Variants in EDARADD observed in about 807,000 individuals in gnomAD.
The protein encoded by EDARADD is ectodysplasin-A receptor-associated adapter protein.
In EDARADD, 20 loss-of-function variants were observed where a neutral mutation model predicts 25.6. The ratio of observed to expected loss-of-function variants is 0.78; its 90% CI spans 0.55 to 1.14. The LOEUF is 1.14. EDARADD is among the 50% of genes most tolerant of loss of function. The pLI is 0.00. For missense variants in EDARADD, 225 were observed against 270.1 expected, an observed-to-expected ratio of 0.83 and a Z score of 1.17; for synonymous variants, 86 against 94.4, an observed-to-expected ratio of 0.91 and a Z score of 0.52.
At chr1:236,368,433 GTCTTT>G (rs1667135939) in intron 3 of EDARADD, among the ~76,000 whole-genome samples, 1 of 133,800 alleles carries the variant, frequency 7.5e-6, no homozygotes, top group Non-Finnish European at 1.6e-5. Context: ...CCCCAATCCA[GTCTTT>G]TCTTTTTTTT....
chr1:236,397,917 T>C (rs930968748), intron 1 of EDARADD, among the ~76,000 whole-genome samples: 5 of 152,042 alleles, frequency 3.3e-5, no homozygotes, highest in Non-Finnish European at 5.9e-5. Context: ...ATCCCCTTAC[T>C]CCTATTTCTG....
chr1:236,454,222 GTTTTT>G (rs528215126), intron 4 of EDARADD, among the ~76,000 whole-genome samples: 1 of 152,012 alleles, frequency 6.6e-6, no homozygotes. Flanking sequence ...ACTTTTTGTA[GTTTTT>G]TTAGTAGAGA....
At chr1:236,454,252 G>A (rs3121598) in intron 4 of EDARADD, among the ~76,000 whole-genome samples, 4 of 151,806 alleles carry the variant, frequency 2.6e-5, no homozygotes, top group African/African-American at 9.7e-5. Context: ...GTTTCACCCT[G>A]TTAGCCAAGA....
At chr1:236,390,554 G>GA (rs910591967), upstream of EDARADD, among the ~76,000 whole-genome samples, 2 of 150,186 alleles carry the variant, frequency 1.3e-5, no homozygotes, top group Non-Finnish European at 3.0e-5. Context: ...CTCCGTCTCA[G>GA]AAAAAAAAAG....
rs1659697129 is a variant in EDARADD, at chr1:236,482,249, A to C, written c.266-18A>C. 1 of 1,614,060 alleles carries C rather than the reference A, an allele frequency of 6.2e-7. No homozygotes were observed. Among genetic ancestry groups the C allele is most frequent in the Admixed American group, 1.7e-5 (1 of 60,002 alleles). On this transcript the variant is annotated intron_variant, in intron 5 of 5. Transcript: ENST00000334232. ...AGGCCTCTTGTTGACCTGTGGACTA[A>C]ATTGTTTCTCCCTGCAGAGATCAGC...
At chr1:236,401,421 G>A (rs1458193764) in intron 1 of EDARADD, among the ~76,000 whole-genome samples, 1 of 152,278 alleles carries the variant, frequency 6.6e-6, no homozygotes, top group Non-Finnish European at 1.5e-5. Flanking sequence ...ACCGTCTCTA[G>A]GAAGCATTCA....
intron 4 of EDARADD, among the ~76,000 whole-genome samples, chr1:236,455,159 G>A (rs533625349): frequency 3.3e-5 from 5 of 151,848 alleles, no homozygotes; most frequent in Admixed American, 1.3e-4. Context: ...GCAGTGAGCC[G>A]AGATTGTGCC....
intron 5 of EDARADD, among the ~76,000 whole-genome samples, chr1:236,477,077 T>G (rs1659530721): frequency 1.3e-5 from 2 of 149,922 alleles, no homozygotes; most frequent in Admixed American, 1.3e-4. Flanking sequence ...AAGAAAAAAT[T>G]AATCACCTGC....
chr1:236,370,760 G>T (rs1443847177), intron 3 of EDARADD, among the ~76,000 whole-genome samples: 1 of 152,208 alleles, frequency 6.6e-6, no homozygotes, highest in African/African-American at 2.4e-5. Flanking sequence ...GATCTTAGGA[G>T]CAGTTTAGGG....
intron 3 of EDARADD, among the ~76,000 whole-genome samples, chr1:236,361,541 G>T (rs1667048948): frequency 6.6e-6 from 1 of 151,060 alleles, no homozygotes; most frequent in South Asian, 2.1e-4. Context: ...TGTTGGCCAG[G>T]CTGGTCTCGA....
intron 3 of EDARADD, among the ~76,000 whole-genome samples, chr1:236,354,578 G>GA (rs1434239352): frequency 6.6e-6 from 1 of 152,164 alleles, no homozygotes; most frequent in Non-Finnish European, 1.5e-5. Flanking sequence ...GTGGCTACAA[G>GA]AAAAACCACA....
At chr1:236,405,775 TTC>T (rs1491164744) in intron 1 of EDARADD, among the ~76,000 whole-genome samples, 676 of 56,176 alleles carry the variant, frequency 0.012, 9 homozygotes, top group South Asian at 0.018. Flanking sequence ...CTTTCTTTCT[TTC>T]TTTCTTTCTT....
At chr1:236,373,007 C>T (rs1436388189) in intron 3 of EDARADD, among the ~76,000 whole-genome samples, 11 of 149,750 alleles carry the variant, frequency 7.3e-5, no homozygotes, top group Admixed American at 3.4e-4. Flanking sequence ...GCTCCGCCTC[C>T]CGGGTTCATG....
intron 3 of EDARADD, among the ~76,000 whole-genome samples, chr1:236,375,943 T>G (rs1355392330): frequency 6.7e-6 from 1 of 149,644 alleles, no homozygotes; most frequent in East Asian, 2.0e-4. Context: ...ACCTTTTTTT[T>G]TTTTTTTTTT....
At chr1:236,366,741 C>CTCTTTTTTTTTTTTTTTTTTTTTTT (rs146073425) in intron 3 of EDARADD, among the ~76,000 whole-genome samples, 5 of 144,208 alleles carry the variant, frequency 3.5e-5, no homozygotes, top group African/African-American at 5.0e-5. Context: ...TCATCTCTCT[C>CTCTTTTTTTTTTTTTTTTTTTTTTT]TTTTTTTTGT....
chr1:236,409,322 T>C lies in EDARADD; in HGVS notation c.120+48T>C, dbSNP rs1571917627. 4 of 1,471,488 alleles carry C rather than the reference T, an allele frequency of 2.7e-6. No homozygotes were observed. The East Asian group carries it at 6.8e-5, about 25-fold the overall frequency. The allele number at this position is 1,471,488 out of a possible 1,614,324, so 91.2% of individuals were successfully genotyped here. ...ATGGTGATAATTATTGTTTTGCTTT[T>C]TTTCTTTGTTATTTCTTTACGTTTT... On this transcript the variant is annotated intron_variant, in intron 2 of 5. Transcript: ENST00000334232.
chr1:236,359,483 C>T (rs1327928643), intron 3 of EDARADD, among the ~76,000 whole-genome samples: 1 of 152,210 alleles, frequency 6.6e-6, no homozygotes, highest in East Asian at 1.9e-4. Context: ...AGACAGCCAA[C>T]CCTGGTGGCA....
At chr1:236,455,937 C>A (rs1457531507) in intron 4 of EDARADD, among the ~76,000 whole-genome samples, 1 of 152,118 alleles carries the variant, frequency 6.6e-6, no homozygotes, top group Non-Finnish European at 1.5e-5. Flanking sequence ...CTACAGGCGC[C>A]CGCCACCACG....
At chr1:236,442,526 G>A (rs1355776247) in intron 4 of EDARADD, among the ~76,000 whole-genome samples, 1 of 152,134 alleles carries the variant, frequency 6.6e-6, no homozygotes. Flanking sequence ...TCTTGTTAAG[G>A]GTTAATGCAG....
Sources: allele counts gnomAD v4.1 joint callset (sites outside exome capture counted in the v4.1 genomes callset), GRCh38; gene constraint gnomAD v4.1.1; transcripts MANE v1.5; gene names NCBI Gene and HGNC (gene_info 2026-07-23, HGNC 2026-07-21).